Variants in FGFR1 observed in about 807,000 individuals in gnomAD.
FGFR1 encodes FGFR1/PLAG1 fusion.
FGFR1 carries 18 observed loss-of-function variants against 93.7 expected under a neutral mutation model. That is an observed-to-expected ratio of 0.19 (90% CI 0.13 to 0.28). The LOEUF (loss-of-function observed/expected upper bound fraction) is 0.28, where lower values mean the gene tolerates loss of function less well. Ranked by LOEUF, FGFR1 falls within the 10% of genes least tolerant of loss-of-function variation. FGFR1 has a pLI of 1.00. For synonymous variants in FGFR1, 448 were observed against 429.3 expected (o/e 1.04, Z -0.54); for missense variants, 731 against 1,080.4 (o/e 0.68, Z 4.53).
At chr8:38,467,654 G>A (rs17175701) in intron 1 of FGFR1, 2 of 234,134 alleles carry the variant, frequency 8.5e-6, no homozygotes, top group Non-Finnish European at 1.7e-5. Flanking sequence ...CCCCGGGCCT[G>A]TCCCTCCCGG....
chr8:38,466,738 T>A, intron 1 of FGFR1: 1 of 192,156 alleles, frequency 5.2e-6, no homozygotes, highest in Non-Finnish European at 1.1e-5. Flanking sequence ...ATAATGCGGC[T>A]GCGGTGTACC....
At chr8:38,428,549 C>G (rs1006494222) in intron 3 of FGFR1, 114 bp from the exon 4 acceptor site, 5 of 779,718 alleles carry the variant, frequency 6.4e-6, no homozygotes, top group African/African-American at 1.7e-5. Flanking sequence ...CCCAGTCCCA[C>G]TGCTCCCTTA....
Position 38,413,680 on chromosome 8 carries a change from C to T in FGFR1, c.2417G>A (p.Cys806Tyr), listed in dbSNP as rs753288703. The change falls in exon 18 of 18, where the codon TGC (cysteine) becomes TAC (tyrosine). Residue 806 changes from cysteine (C) to tyrosine (Y), a missense_variant. Transcript: ENST00000447712. This position sits in a 1 kb window ranked among gnomAD's most constrained non-coding sequence, Gnocchi z 4.2. Reference protein sequence around the residue: ...FSHEPLPEEPCLPRHPAQLAN... With the variant: ...FSHEPLPEEPYLPRHPAQLAN... ...AAGCTGGGCTGGGTGTCGGGGCAGG[C>T]AGGGCTCCTCGGGCAGCGGCTCATG... is the stretch of plus-strand genomic sequence containing the variant. 11 of 1,613,514 alleles carry T rather than the reference C, an allele frequency of 6.8e-6. No individual in the cohort carries two copies. Among genetic ancestry groups the T allele is most frequent in the South Asian group, 1.1e-5 (1 of 90,984 alleles).
chr8:38,434,329 C>T (rs77012312), intron 2 of FGFR1: 1,593 of 113,828 alleles, frequency 0.014, 25 homozygotes, highest in Non-Finnish European at 0.022. Context: ...ATTGCTGCTG[C>T]TTTTTTTTTT....
chr8:38,461,144 G>T (rs1048297160), intron 1 of FGFR1: 1 of 1,536,028 alleles, frequency 6.5e-7, no homozygotes. Flanking sequence ...CTGCATGGGT[G>T]AAAGTGCCTG....
chr8:38,440,430 T>A, intron 2 of FGFR1: 1 of 1,426,072 alleles, frequency 7.0e-7, no homozygotes. Context: ...ACTCTCGGAG[T>A]CCCCAAATAG....
At chr8:38,418,561 C>G (rs2150686592) in intron 9 of FGFR1, 188 bp from the exon 10 acceptor site, 1 of 643,030 alleles carries the variant, frequency 1.6e-6, no homozygotes, top group East Asian at 2.8e-5. Flanking sequence ...TGACCTATTT[C>G]TGCCACAAGC....
At chr8:38,431,932 C>T (rs1823309338) in intron 2 of FGFR1, among the ~76,000 whole-genome samples, 2 of 152,180 alleles carry the variant, frequency 1.3e-5, no homozygotes, top group African/African-American at 2.4e-5. Context: ...GCAGTTTAGA[C>T]TCAACTCTTA....
At chr8:38,447,122 C>T (rs899746427) in intron 2 of FGFR1, among the ~76,000 whole-genome samples, 1 of 150,140 alleles carries the variant, frequency 6.7e-6, no homozygotes, top group Non-Finnish European at 1.5e-5. Context: ...CACACACACA[C>T]ACACACACAC....
Position 38,457,436 on chromosome 8 carries a change from C to G in FGFR1, c.11G>C (p.Trp4Ser), listed in dbSNP as rs2151347338. Residue 4 changes from tryptophan to serine, a missense_variant, in exon 2 of 18, where the codon TGG (tryptophan) becomes TCG (serine). Transcript: ENST00000447712. MWS[W>S]KCLLFWAVLV... ...CACAGCCCAGAAGAGGAGGCACTTCCAGCTCCACATCCCAGTTCTGCAGTT... is the reference window on the plus strand; with the variant it reads ...CACAGCCCAGAAGAGGAGGCACTTCGAGCTCCACATCCCAGTTCTGCAGTT... The G allele has an allele frequency of 6.2e-7, 1 of 1,614,116 alleles. No individual in the cohort carries two copies. The highest frequency in any genetic ancestry group is 8.5e-7 in the Non-Finnish European group (1 of 1,180,040).
At chr8:38,414,086 C>T (rs2150527010) in intron 16 of FGFR1, 63 bp from the exon 17 acceptor site, 1 of 1,613,998 alleles carries the variant, frequency 6.2e-7, no homozygotes, top group Non-Finnish European at 8.5e-7. Context: ...GTCTAGCCCC[C>T]TGCCCCTCAA....
Position 38,440,253 on chromosome 8 carries a change from G to A in FGFR1, c.92-10305C>T, listed in dbSNP as rs916349712. On this transcript the variant is annotated intron_variant, in intron 2 of 17. Coordinates refer to ENST00000447712, the MANE Select transcript of FGFR1 (RefSeq NM_023110.3). ...CGCAGCGGGGCTCCGGGGGCCCTCT[G>A]CAGAGGTTTTTTTATTACGTATTTT... 79 of 1,519,162 alleles carry A rather than the reference G, an allele frequency of 5.2e-5. 1 individual carries two copies. In the African/African-American group the frequency reaches 8.0e-4, roughly 15 times the overall value. 94.1% of individuals were successfully genotyped at this position (1,519,162 alleles called of 1,614,324 possible). A position where few individuals can be genotyped will look rare whatever the true frequency, so the allele number is the denominator to read the frequency against.
chr8:38,418,903 T>G (rs886370040), intron 9 of FGFR1, among the ~76,000 whole-genome samples: 1 of 152,194 alleles, frequency 6.6e-6, no homozygotes, highest in Non-Finnish European at 1.5e-5. Flanking sequence ...CCACGTGTTA[T>G]GGGAGGGACC....
chr8:38,443,605 C>T (rs1161632788), intron 2 of FGFR1, among the ~76,000 whole-genome samples: 1 of 151,790 alleles, frequency 6.6e-6, no homozygotes, highest in Non-Finnish European at 1.5e-5. Flanking sequence ...CCCGGGAGGT[C>T]GAGGCTGCAG....
intron 2 of FGFR1, among the ~76,000 whole-genome samples, chr8:38,437,025 C>T (rs1376979631): frequency 1.3e-5 from 2 of 152,138 alleles, no homozygotes; most frequent in African/African-American, 4.8e-5. Flanking sequence ...GGACTATAGA[C>T]AAGCGCCACC....
At chr8:38,465,541 C>G (rs1407773338) in intron 1 of FGFR1, 3 of 229,314 alleles carry the variant, frequency 1.3e-5, no homozygotes, top group Non-Finnish European at 1.7e-5. Context: ...CTCGGAGGGT[C>G]GGGGCAGCCC....
rs1427329649 is a variant in FGFR1 at position 38,428,008 on chromosome 8, G to A, written c.534C>T (p.Cys178=). 3 of 1,614,106 alleles carry A rather than the reference G, an allele frequency of 1.9e-6. No individual in the cohort carries two copies. The highest frequency in any genetic ancestry group is 1.1e-5 in the South Asian group (1 of 91,094). The change falls in exon 5 of 18, where the codon TGC becomes TGT. Residue 178 remains cysteine, a synonymous_variant. Coordinates refer to ENST00000447712, the MANE Select transcript of FGFR1 (RefSeq NM_023110.3). ...TGGGGTTTGGGGTCCCACTGGAAGG[G>A]CATTTGAACTTCACTGTCTTGGCAG... is the stretch of plus-strand genomic sequence containing the variant. ...VPAAKTVKFK[C]PSSGTPNPTL...
At chr8:38,442,453 G>A (rs1053826028) in intron 2 of FGFR1, among the ~76,000 whole-genome samples, 4 of 151,374 alleles carry the variant, frequency 2.6e-5, no homozygotes, top group Non-Finnish European at 5.9e-5. Context: ...CCGGAGCCCA[G>A]GCCTCCCAGC....
At chr8:38,452,769 G>A (rs1183048983) in intron 2 of FGFR1, among the ~76,000 whole-genome samples, 1 of 152,156 alleles carries the variant, frequency 6.6e-6, no homozygotes, top group African/African-American at 2.4e-5. Context: ...GAGGTCAGGA[G>A]ACCGAGACCA....
Sources: allele counts gnomAD v4.1 joint callset (sites outside exome capture counted in the v4.1 genomes callset), GRCh38; gene constraint gnomAD v4.1.1; non-coding constraint Gnocchi (gnomAD v3.1); transcripts MANE v1.5; gene names NCBI Gene and HGNC (gene_info 2026-07-23, HGNC 2026-07-21).